Variants in C12orf54 observed in about 807,000 individuals in gnomAD.
C12orf54 encodes chromosome 12 open reading frame 54.
In C12orf54, 24 loss-of-function variants were observed where a neutral mutation model predicts 26.4. The observed-to-expected ratio is 0.91, with a 90% confidence interval of 0.66 to 1.28. The LOEUF (loss-of-function observed/expected upper bound fraction) is 1.28. Among genes scored for constraint, C12orf54 ranks in the 50% most tolerant of loss-of-function variants. The pLI is 0.00. For missense variants in C12orf54, 154 were observed against 150.9 expected, an observed-to-expected ratio of 1.02 and a Z score of -0.11; for synonymous variants, 54 against 47.0, an observed-to-expected ratio of 1.15 and a Z score of -0.61.
At chr12:48,428,255 T>TCA in the C12orf54 span, among the ~76,000 whole-genome samples, 2 of 150,790 alleles carry the variant, frequency 1.3e-5, no homozygotes, top group Non-Finnish European at 3.0e-5. Flanking sequence ...AGGTCACACC[T>TCA]CAAGGAACTA....
intron 5 of C12orf54, chr12:48,489,208 C>A: frequency 1.5e-6 from 1 of 659,798 alleles, no homozygotes; most frequent in East Asian, 3.0e-5. Context: ...CTTGTCTCAG[C>A]AAGAATACTC....
At chr12:48,471,273 G>T in the C12orf54 span, among the ~76,000 whole-genome samples, 3 of 152,040 alleles carry the variant, frequency 2.0e-5, no homozygotes, top group Non-Finnish European at 4.4e-5. Flanking sequence ...CAAGTGACTG[G>T]ATCTCATTAT....
the C12orf54 span, among the ~76,000 whole-genome samples, chr12:48,451,549 C>T: frequency 6.6e-6 from 1 of 152,126 alleles, no homozygotes; most frequent in Non-Finnish European, 1.5e-5. Context: ...GGAAGTCAAA[C>T]TATCTTTGTT....
At chr12:48,440,249 G>A in the C12orf54 span, among the ~76,000 whole-genome samples, 1 of 152,034 alleles carries the variant, frequency 6.6e-6, no homozygotes, top group Admixed American at 6.6e-5. Context: ...AAGTATTCTT[G>A]AGAAGGTAGT....
At chr12:48,466,839 A>G in the C12orf54 span, among the ~76,000 whole-genome samples, 1 of 152,188 alleles carries the variant, frequency 6.6e-6, no homozygotes, top group African/African-American at 2.4e-5. Flanking sequence ...CTATTTACCC[A>G]AAAGAAACAA....
upstream of C12orf54, among the ~76,000 whole-genome samples, chr12:48,481,592 C>G (rs192617856): frequency 1.9e-3 from 296 of 152,208 alleles, 3 homozygotes; most frequent in African/African-American, 6.8e-3. Flanking sequence ...ACAGGTGGAG[C>G]GCCGAGCCAA....
At chr12:48,421,913 A>G in the C12orf54 span, among the ~76,000 whole-genome samples, 2 of 152,352 alleles carry the variant, frequency 1.3e-5, no homozygotes, top group Non-Finnish European at 2.9e-5. Flanking sequence ...GAAAATAAGT[A>G]AATTGTATAT....
At chr12:48,459,266 C>T in the C12orf54 span, among the ~76,000 whole-genome samples, 5 of 152,120 alleles carry the variant, frequency 3.3e-5, no homozygotes, top group African/African-American at 1.2e-4. Context: ...ATGCTTTCAC[C>T]AATATTCCAG....
the C12orf54 span, among the ~76,000 whole-genome samples, chr12:48,446,393 A>T: frequency 2.0e-5 from 3 of 152,346 alleles, no homozygotes; most frequent in Non-Finnish European, 2.9e-5. Flanking sequence ...AACTTCTTTC[A>T]TACTTCCCCT....
At chr12:48,487,201 A>T (rs879883791) in intron 4 of C12orf54, among the ~76,000 whole-genome samples, 23 of 152,222 alleles carry the variant, frequency 1.5e-4, no homozygotes, top group Non-Finnish European at 2.8e-4. Context: ...AGTTTCTAAG[A>T]GGTCTTCACA....
chr12:48,474,666 A>G, the C12orf54 span, among the ~76,000 whole-genome samples: 3 of 152,250 alleles, frequency 2.0e-5, no homozygotes, highest in African/African-American at 4.8e-5. Context: ...CCGAGATCAA[A>G]CTGCAAGGTG....
At chr12:48,486,789 G>A (rs530710222) in intron 4 of C12orf54, 63 bp downstream of exon 4, 1 of 1,478,044 alleles carries the variant, frequency 6.8e-7, no homozygotes, top group African/African-American at 1.4e-5. Context: ...GAAGTCTTCA[G>A]GAAGGAGCAC....
the C12orf54 span, among the ~76,000 whole-genome samples, chr12:48,448,911 C>T: frequency 1.8e-4 from 28 of 152,246 alleles, no homozygotes; most frequent in Non-Finnish European, 5.9e-5. Context: ...TTTAGGGGGG[C>T]ATGAGACATC....
chr12:48,438,375 A>C, the C12orf54 span, among the ~76,000 whole-genome samples: 2 of 152,226 alleles, frequency 1.3e-5, no homozygotes, highest in Admixed American at 6.5e-5. Context: ...GCTACCAATG[A>C]CTTTCTTCAC....
At chr12:48,488,597 G>A (rs1937712588) in intron 4 of C12orf54, 2 of 398,604 alleles carry the variant, frequency 5.0e-6, no homozygotes, top group South Asian at 2.5e-5. Flanking sequence ...GAATACCTAT[G>A]CTAAGCTTCA....
the C12orf54 span, among the ~76,000 whole-genome samples, chr12:48,437,045 G>A: frequency 1.3e-5 from 2 of 151,674 alleles, no homozygotes; most frequent in African/African-American, 4.8e-5. Context: ...TCAAATAGAT[G>A]CAATAAAAAA....
chr12:48,474,220 A>C, the C12orf54 span, among the ~76,000 whole-genome samples: 1 of 152,220 alleles, frequency 6.6e-6, no homozygotes, highest in Non-Finnish European at 1.5e-5. Context: ...ATTCTTCTAC[A>C]TGTATTTCTG....
upstream of C12orf54, among the ~76,000 whole-genome samples, chr12:48,479,629 C>T (rs902110869): frequency 1.5e-4 from 22 of 150,642 alleles, no homozygotes; most frequent in African/African-American, 4.6e-4. Context: ...CACCCGAGCA[C>T]GGAAAAACTA....
At chr12:48,450,576 G>T in the C12orf54 span, among the ~76,000 whole-genome samples, 163 of 152,098 alleles carry the variant, frequency 1.1e-3, 1 homozygote, top group African/African-American at 3.7e-3. Flanking sequence ...TAATAAAATA[G>T]ACTGCTAGCT....
Sources: allele counts gnomAD v4.1 joint callset (sites outside exome capture counted in the v4.1 genomes callset), GRCh38; gene constraint gnomAD v4.1.1; transcripts MANE v1.5; gene names NCBI Gene and HGNC (gene_info 2026-07-23, HGNC 2026-07-21).